The following KIF3C variants were observed in gnomAD, a reference collection of about 807,000 sequenced individuals.
KIF3C encodes kinesin family member 3C, also known as kinesin-like protein KIF3C.
In KIF3C, 12 loss-of-function variants were observed where a neutral mutation model predicts 67.7. The observed-to-expected ratio is 0.18, with a 90% confidence interval of 0.11 to 0.29. The LOEUF (loss-of-function observed/expected upper bound fraction) is 0.29. KIF3C is among the 10% of genes least tolerant of loss of function. KIF3C has a pLI of 1.00. For synonymous variants in KIF3C, 393 were observed against 426.2 expected (o/e 0.92, Z 0.96); for missense variants, 789 against 1,059.6 (o/e 0.74, Z 3.55).
chr2:25,947,454 A>G (rs187398996), intron 5 of KIF3C, among the ~76,000 whole-genome samples: 14,499 of 147,744 alleles, frequency 0.098, 786 homozygotes, highest in African/African-American at 0.13. Flanking sequence ...GGTGGCAGGC[A>G]CCTGTAGTCC....
chr2:25,935,010 G>A (rs1295344325), intron 5 of KIF3C, among the ~76,000 whole-genome samples: 8 of 151,946 alleles, frequency 5.3e-5, no homozygotes, highest in Non-Finnish European at 1.2e-4. Flanking sequence ...TTGGGAGGCC[G>A]AGGTGGGTGG....
rs762875412 is a variant in KIF3C, at chr2:25,928,863, A to ACACGCACACGCACATG, written c.*99_*114dup. 3 of 782,788 alleles carry ACACGCACACGCACATG rather than the reference A, an allele frequency of 3.8e-6. No individual in the cohort carries two copies. Among genetic ancestry groups the ACACGCACACGCACATG allele is most frequent in the South Asian group, 1.7e-5 (1 of 60,316 alleles). The allele number at this position is 782,788 out of a possible 1,614,324, so 48.5% of individuals were successfully genotyped here. Reference sequence around the variant, plus strand: ...ATCTGCCAGATTCTCACCCCTGCACACACGCACACGCACATGCACGCACAC... The same window carrying ACACGCACACGCACATG: ...ATCTGCCAGATTCTCACCCCTGCACACACGCACACGCACATGCACGCACACGCACATGCACGCACAC... On this transcript the variant is annotated 3_prime_UTR_variant, in exon 8 of 8. Transcript: ENST00000264712.
chr2:25,954,569 T>C (rs1295296277), intron 3 of KIF3C, among the ~76,000 whole-genome samples, 184 bp from the exon 4 acceptor site: 3 of 152,172 alleles, frequency 2.0e-5, no homozygotes, highest in African/African-American at 7.2e-5. Flanking sequence ...CTATTTAAAG[T>C]GGTGCCCCGC....
intron 1 of KIF3C, among the ~76,000 whole-genome samples, chr2:25,969,711 T>A (rs192708688): frequency 2.7e-5 from 4 of 147,664 alleles, no homozygotes; most frequent in African/African-American, 1.0e-4. Flanking sequence ...TTAAAAAGAT[T>A]TGTTGGGTTT....
chr2:25,960,871 G>A (rs1266970999), intron 1 of KIF3C, among the ~76,000 whole-genome samples: 2 of 152,242 alleles, frequency 1.3e-5, no homozygotes, highest in South Asian at 2.1e-4. Flanking sequence ...GGGAGGTTGA[G>A]GCTGCAGTGA....
In KIF3C at chr2:25,981,701, G is replaced by C; in HGVS notation, c.217C>G (p.Leu73Val). ...AGGGGCCTCACGGTTTCGTCATACA[G>C]GTCGGCCTGCTTGGAGCTGGCATCA... Reference protein sequence around the residue: ...VYDASSKQADLYDETVRPLID... With the variant: ...VYDASSKQADVYDETVRPLID... Residue 73 changes from leucine (L) to valine (V), a missense_variant, in exon 1 of 8, where the codon CTG (leucine) becomes GTG (valine). Transcript: ENST00000264712. The surrounding 1 kb of genome is among the most constrained non-coding windows in gnomAD (Gnocchi z 8.2). The C allele has an allele frequency of 6.2e-7, 1 of 1,613,908 alleles. No homozygotes were observed. Among genetic ancestry groups the C allele is most frequent in the Non-Finnish European group, 8.5e-7 (1 of 1,179,886 alleles).
At chr2:25,930,091 G>A in intron 5 of KIF3C, 28 bp from the exon 6 acceptor site, 4 of 1,560,738 alleles carry the variant, frequency 2.6e-6, no homozygotes, top group Non-Finnish European at 3.5e-6. Context: ...TATTAGAAAG[G>A]ATTTCTGTGG....
In KIF3C at chr2:25,940,650, C is replaced by CTTTTT. The variant is rs70950139; in HGVS notation, c.2007-10592_2007-10588dup. On this transcript the variant is annotated intron_variant, in intron 5 of 7. Transcript: ENST00000264712. ...AGCAGGGGCTAGAATTCAGAATGTTCTTTTTTTTTTTTTTTTTTTTTTTTG... is the reference window on the plus strand; with the variant it reads ...AGCAGGGGCTAGAATTCAGAATGTTCTTTTTTTTTTTTTTTTTTTTTTTTTTTTTG... Among the ~76,000 whole-genome samples, 166 of 74,180 alleles carry CTTTTT rather than the reference C, an allele frequency of 2.2e-3. 13 individuals carry two copies. The highest frequency in any genetic ancestry group is 3.1e-3 in the Non-Finnish European group (127 of 41,568). 48.7% of individuals were successfully genotyped at this position (74,180 alleles called of 152,430 possible).
At chr2:25,947,518 T>C (rs1402439297) in intron 5 of KIF3C, among the ~76,000 whole-genome samples, 4 of 151,792 alleles carry the variant, frequency 2.6e-5, no homozygotes, top group African/African-American at 9.7e-5. Context: ...GAGGTGGAGC[T>C]TGCAGTGAGC....
At chr2:25,929,926 A>T (rs1300761954) in intron 6 of KIF3C, 29 bp downstream of exon 6, 3 of 1,508,438 alleles carry the variant, frequency 2.0e-6, no homozygotes, top group Non-Finnish European at 2.8e-6. Context: ...TCCCTCCCGT[A>T]GGCTCTTTCT....
chr2:25,971,888 T>TTTTTC (rs1664293656), intron 1 of KIF3C, among the ~76,000 whole-genome samples: 1 of 143,888 alleles, frequency 6.9e-6, no homozygotes, highest in African/African-American at 2.6e-5. Flanking sequence ...TTTTTTTTTT[T>TTTTTC]TTTTTTTTTT....
intron 5 of KIF3C, among the ~76,000 whole-genome samples, chr2:25,930,687 G>A (rs936489795): frequency 1.3e-5 from 2 of 152,054 alleles, no homozygotes; most frequent in Admixed American, 6.6e-5. Context: ...ATAGGCATGT[G>A]GCACCACGCC....
chr2:25,961,875 G>A (rs1348273216), intron 1 of KIF3C, among the ~76,000 whole-genome samples: 3 of 151,644 alleles, frequency 2.0e-5, no homozygotes, highest in Non-Finnish European at 4.4e-5. Context: ...GCTTGAACCC[G>A]AGGCGGAGGT....
At chr2:25,935,223 A>G (rs1237177646) in intron 5 of KIF3C, among the ~76,000 whole-genome samples, 1 of 152,150 alleles carries the variant, frequency 6.6e-6, no homozygotes, top group Non-Finnish European at 1.5e-5. Flanking sequence ...CAGCCTGGAC[A>G]ACAGAGTGAG....
At position 25,958,798 on chromosome 2, in the gene KIF3C, G is replaced by A. The variant is rs571597876; in HGVS notation, c.1546-2354C>T. ...GAGAATTCCAGCTCCCTGGGGGCCC[G>A]GTGCGGTGGCTAGCGCCTGTAATCC... On this transcript the variant is annotated intron_variant, in intron 1 of 7. Coordinates refer to ENST00000264712, the MANE Select transcript of KIF3C (RefSeq NM_002254.8). This position sits in a 1 kb window ranked among gnomAD's most constrained non-coding sequence, Gnocchi z 4.5. Among the ~76,000 whole-genome samples, 6 of 152,196 alleles carry A rather than the reference G, an allele frequency of 3.9e-5. No homozygotes were observed. The highest frequency in any genetic ancestry group is 2.1e-4 in the South Asian group (1 of 4,818).
At chr2:25,951,727 C>T in intron 5 of KIF3C, 62 bp downstream of exon 5, 1 of 1,144,246 alleles carries the variant, frequency 8.7e-7, no homozygotes, top group Non-Finnish European at 1.3e-6. Context: ...GGCCCCTCAC[C>T]AGCCCCGACC....
chr2:25,955,537 TC>T lies in KIF3C; in HGVS notation c.1770+3del. ...CCTTAACCGGTCCTGCTGCAGCGTCTCACCTTCTTGAGTTTCTTGGTTTTGA... is the reference window on the plus strand; with the variant it reads ...CCTTAACCGGTCCTGCTGCAGCGTCTACCTTCTTGAGTTTCTTGGTTTTGA... On this transcript the variant is annotated splice_donor_region_variant and intron_variant, in intron 3 of 7. Transcript: ENST00000264712. This position sits in a 1 kb window ranked among gnomAD's most constrained non-coding sequence, Gnocchi z 5.0. 1 of 1,613,972 alleles carries T rather than the reference TC, an allele frequency of 6.2e-7. No homozygotes were observed. Among genetic ancestry groups the T allele is most frequent in the Non-Finnish European group, 8.5e-7 (1 of 1,179,922 alleles).
intron 1 of KIF3C, among the ~76,000 whole-genome samples, chr2:25,966,006 G>A (rs2149239839): frequency 6.6e-6 from 1 of 152,164 alleles, no homozygotes; most frequent in African/African-American, 2.4e-5. Context: ...AGGGGACTTT[G>A]GGAATCATCA....
intron 5 of KIF3C, among the ~76,000 whole-genome samples, chr2:25,950,184 G>GC (rs1663558770): frequency 6.6e-6 from 1 of 151,350 alleles, no homozygotes; most frequent in African/African-American, 2.4e-5. Context: ...ACAGGCATGA[G>GC]CCACCATGCC....
Sources: allele counts gnomAD v4.1 joint callset (sites outside exome capture counted in the v4.1 genomes callset), GRCh38; gene constraint gnomAD v4.1.1; non-coding constraint Gnocchi (gnomAD v3.1); transcripts MANE v1.5; gene names NCBI Gene and HGNC (gene_info 2026-07-23, HGNC 2026-07-21).